EYS: variants seen among roughly 807,000 people sequenced by gnomAD.
The protein encoded by EYS is protein eyes shut homolog.
A neutral mutation model predicts 282.1 loss-of-function variants in EYS; 250 were observed. The observed-to-expected ratio is 0.89, with a 90% confidence interval of 0.80 to 0.98. The LOEUF (loss-of-function observed/expected upper bound fraction) is 0.98, where lower values mean the gene tolerates loss of function less well. Ranked by LOEUF, EYS falls within the 50% of genes least tolerant of loss-of-function variation. The pLI, the probability that EYS is intolerant of heterozygous loss-of-function variation, is 0.00. For missense variants in EYS, 4,016 were observed against 3,709.0 expected (o/e 1.08, Z -2.15); for synonymous variants, 1,355 against 1,282.9 (o/e 1.06, Z -1.20).
intron 22 of EYS, among the ~76,000 whole-genome samples, chr6:64,778,924 G>T (rs987826017): frequency 8.5e-5 from 13 of 152,194 alleles, no homozygotes; most frequent in African/African-American, 2.6e-4. Context: ...TGTCATCAGA[G>T]AATTGCAAAT....
chr6:64,556,790 G>T (rs1765246352), intron 26 of EYS, among the ~76,000 whole-genome samples: 1 of 151,730 alleles, frequency 6.6e-6, no homozygotes, highest in Admixed American at 6.6e-5. Context: ...TTTCAGAATT[G>T]GAGACATAGA....
At chr6:65,485,624 G>T (rs1452320767) in intron 5 of EYS, among the ~76,000 whole-genome samples, 1 of 152,186 alleles carries the variant, frequency 6.6e-6, no homozygotes, top group Admixed American at 6.5e-5. Context: ...GGCCAACATG[G>T]CGAAATCCCG....
intron 19 of EYS, among the ~76,000 whole-genome samples, chr6:64,875,523 T>G (rs1011699483): frequency 1.3e-5 from 2 of 152,088 alleles, no homozygotes; most frequent in Non-Finnish European, 2.9e-5. Flanking sequence ...AAGTTCCCTA[T>G]GTAAAGTGCT....
At chr6:65,446,265 G>A (rs1216563352) in intron 5 of EYS, among the ~76,000 whole-genome samples, 1 of 151,696 alleles carries the variant, frequency 6.6e-6, no homozygotes, top group Non-Finnish European at 1.5e-5. Flanking sequence ...TACTTTTAAT[G>A]AAGCCATTAA....
intron 2 of EYS, among the ~76,000 whole-genome samples, chr6:65,566,869 A>G (rs1176512106): frequency 6.6e-6 from 1 of 152,184 alleles, no homozygotes; most frequent in Admixed American, 6.6e-5. Flanking sequence ...CAAAATTACA[A>G]TATGACTGCA....
intron 37 of EYS, among the ~76,000 whole-genome samples, chr6:63,800,198 T>C (rs1227508398): frequency 6.6e-6 from 1 of 152,228 alleles, no homozygotes; most frequent in Non-Finnish European, 1.5e-5. Context: ...GTGCTATTTA[T>C]ATTCCAGATA....
At chr6:65,208,470 G>T (rs749150835) in intron 12 of EYS, among the ~76,000 whole-genome samples, 12 of 151,746 alleles carry the variant, frequency 7.9e-5, no homozygotes, top group South Asian at 2.1e-4. Flanking sequence ...CAAAGGAAAA[G>T]AAATCATTAT....
At chr6:65,541,695 C>G (rs763631214) in intron 2 of EYS, among the ~76,000 whole-genome samples, 53 of 151,860 alleles carry the variant, frequency 3.5e-4, no homozygotes, top group Non-Finnish European at 4.6e-4. Context: ...ATTAGCCTAC[C>G]CTTGTCCCAT....
chr6:65,533,423 C>T (rs62407706), intron 2 of EYS, among the ~76,000 whole-genome samples: 15,234 of 152,094 alleles, frequency 0.1, 925 homozygotes, highest in South Asian at 0.19. Context: ...GAGCTGGTAC[C>T]ATTCCTTCTG....
chr6:64,973,573 T>C (rs749323857), intron 14 of EYS, among the ~76,000 whole-genome samples: 2 of 152,026 alleles, frequency 1.3e-5, no homozygotes, highest in Non-Finnish European at 2.9e-5. Flanking sequence ...ATATTCATTT[T>C]AAAGCACAGC....
Position 63,720,573 on chromosome 6 carries a change from G to T in EYS, c.*23C>A. On this transcript the variant is annotated 3_prime_UTR_variant, in exon 43 of 43. Transcript: ENST00000503581. ...AAATAACTGCATTTATGTATAGTGTGTACTAAAATCTCTAGTGTTAACTTA... is the reference window on the plus strand; with the variant it reads ...AAATAACTGCATTTATGTATAGTGTTTACTAAAATCTCTAGTGTTAACTTA... 2.1e-6 allele frequency: 3 copies of T among 1,426,798 alleles called. No homozygotes were observed. Among genetic ancestry groups the T allele is most frequent in the Non-Finnish European group, 2.8e-6 (3 of 1,073,908 alleles). 88.4% of individuals were successfully genotyped at this position (1,426,798 alleles called of 1,614,324 possible).
chr6:64,069,181 C>T (rs935428414), intron 32 of EYS, among the ~76,000 whole-genome samples: 5 of 151,840 alleles, frequency 3.3e-5, no homozygotes, highest in Admixed American at 1.3e-4. Context: ...GACTTCTGAC[C>T]TCCAGAACTG....
chr6:65,090,046 T>G (rs1169845276), intron 12 of EYS, among the ~76,000 whole-genome samples: 1 of 149,214 alleles, frequency 6.7e-6, no homozygotes, highest in Non-Finnish European at 1.5e-5. Context: ...TGGAAGGGCA[T>G]AAGGCCATAA....
At position 63,976,411 on chromosome 6, in the gene EYS, G is replaced by A. The variant is rs374307051; in HGVS notation, c.7055+7972C>T. On this transcript the variant is annotated intron_variant, in intron 35 of 42. Coordinates refer to ENST00000503581, the MANE Select transcript of EYS (RefSeq NM_001142800.2). ...TTGTTGACTGAAACATTGTTATGAA[G>A]TGCATTAGCACTATTAATACTGTTA... Among the ~76,000 whole-genome samples, 14 of 152,172 alleles carry A rather than the reference G, an allele frequency of 9.2e-5. No individual in the cohort carries two copies. In the East Asian group the frequency reaches 2.5e-3, roughly 27 times the overall value.
chr6:64,452,269 G>T (rs1775379364), intron 26 of EYS, among the ~76,000 whole-genome samples: 1 of 151,994 alleles, frequency 6.6e-6, no homozygotes, highest in Non-Finnish European at 1.5e-5. Context: ...TTGCTTCAAA[G>T]AGAATAAAAT....
intron 33 of EYS, among the ~76,000 whole-genome samples, chr6:64,028,333 A>G (rs1353150268): frequency 6.6e-6 from 1 of 152,198 alleles, no homozygotes; most frequent in African/African-American, 2.4e-5. Flanking sequence ...GGATTACAGA[A>G]TATTGTTAAA....
At chr6:65,302,046 G>A (rs1241590362) in intron 11 of EYS, among the ~76,000 whole-genome samples, 1 of 152,194 alleles carries the variant, frequency 6.6e-6, no homozygotes, top group Non-Finnish European at 1.5e-5. Context: ...TATGGAAGAT[G>A]GATTTTTTTT....
At chr6:64,284,556 G>T (rs1768427642) in intron 30 of EYS, among the ~76,000 whole-genome samples, 2 of 152,126 alleles carry the variant, frequency 1.3e-5, no homozygotes, top group African/African-American at 4.8e-5. Context: ...GCTCTACTAG[G>T]TTGTGCCCCA....
chr6:65,077,031 G>C (rs1029528763), intron 12 of EYS, among the ~76,000 whole-genome samples: 2 of 151,774 alleles, frequency 1.3e-5, no homozygotes, highest in Admixed American at 6.6e-5. Context: ...GTCAACAATG[G>C]GGCAAAAAGT....
Sources: gnomAD v4.1 joint callset for allele counts (sites outside exome capture counted in the v4.1 genomes callset) on GRCh38, gnomAD v4.1.1 for gene constraint, MANE v1.5 for transcripts, NCBI Gene and HGNC (gene_info 2026-07-23, HGNC 2026-07-21) for gene names.